CADPS2: variants seen among roughly 807,000 people sequenced by gnomAD.
CADPS2 encodes the protein calcium-dependent secretion activator 2.
CADPS2 carries 93 observed loss-of-function variants against 172.5 expected under a neutral mutation model. The observed-to-expected ratio is 0.54, with a 90% CI of 0.46 to 0.64. The LOEUF (loss-of-function observed/expected upper bound fraction) is 0.64. Ranked by LOEUF, CADPS2 falls within the 30% of genes least tolerant of loss-of-function variation. The pLI, the probability that CADPS2 is intolerant of heterozygous loss-of-function variation, is 0.00. For missense variants in CADPS2, 1,420 were observed against 1,565.9 expected (o/e 0.91, Z 1.57); for synonymous variants, 546 against 555.2 (o/e 0.98, Z 0.23).
chr7:122,637,005 A>T (rs2077130482), intron 3 of CADPS2, among the ~76,000 whole-genome samples: 1 of 151,838 alleles, frequency 6.6e-6, no homozygotes, highest in African/African-American at 2.4e-5. Context: ...TGGTGTCTTC[A>T]TATAAACTCA....
intron 9 of CADPS2, among the ~76,000 whole-genome samples, chr7:122,508,349 G>A (rs1457355002): frequency 6.8e-6 from 1 of 147,386 alleles, no homozygotes. Flanking sequence ...CATTCAAAGT[G>A]TCATTGTTTG....
chr7:122,736,866 A>C (rs1038595158), intron 2 of CADPS2, 89 bp downstream of exon 2: 2 of 683,796 alleles, frequency 2.9e-6, no homozygotes, highest in East Asian at 5.5e-5. Flanking sequence ...TCAGACCAGC[A>C]AGCTTCTTTA....
At chr7:122,516,388 A>G (rs1033912330) in intron 8 of CADPS2, among the ~76,000 whole-genome samples, 1 of 152,054 alleles carries the variant, frequency 6.6e-6, no homozygotes, top group Non-Finnish European at 1.5e-5. Context: ...AAAAATAAAA[A>G]TTAGCTGGAT....
At chr7:122,444,988 C>T (rs2051949477) in intron 15 of CADPS2, among the ~76,000 whole-genome samples, 1 of 152,046 alleles carries the variant, frequency 6.6e-6, no homozygotes, top group African/African-American at 2.4e-5. Context: ...TCCAATAGTT[C>T]CGGTAGCATC....
At chr7:122,713,832 T>G (rs559311127) in intron 2 of CADPS2, among the ~76,000 whole-genome samples, 1 of 152,206 alleles carries the variant, frequency 6.6e-6, no homozygotes, top group South Asian at 2.1e-4. Flanking sequence ...ATTTTATAGT[T>G]ATAATGTACA....
chr7:122,366,054 T>C (rs964941350), intron 25 of CADPS2, among the ~76,000 whole-genome samples: 1 of 151,006 alleles, frequency 6.6e-6, no homozygotes, highest in Non-Finnish European at 1.5e-5. Flanking sequence ...TGGCTGATAA[T>C]GAAAAACTAA....
intron 19 of CADPS2, among the ~76,000 whole-genome samples, chr7:122,411,767 C>T (rs58839161): frequency 0.28 from 43,024 of 151,806 alleles, 6,422 homozygotes; most frequent in East Asian, 0.38. Context: ...ACATACACAG[C>T]GACATGATTC....
At chr7:122,557,618 GAC>G (rs2065194831) in intron 7 of CADPS2, among the ~76,000 whole-genome samples, 1 of 152,154 alleles carries the variant, frequency 6.6e-6, no homozygotes, top group Admixed American at 6.6e-5. Flanking sequence ...TGCTAGCTGT[GAC>G]ACAGATATTG....
intron 28 of CADPS2, among the ~76,000 whole-genome samples, chr7:122,328,956 C>T (rs1375972416): frequency 6.6e-6 from 1 of 152,110 alleles, no homozygotes; most frequent in East Asian, 1.9e-4. Flanking sequence ...CTAAGAAGAT[C>T]TTTAGAGCAA....
chr7:122,691,985 A>C (rs1212998636), intron 2 of CADPS2, among the ~76,000 whole-genome samples: 1 of 152,180 alleles, frequency 6.6e-6, no homozygotes, highest in Non-Finnish European at 1.5e-5. Flanking sequence ...ATCCGGGTTC[A>C]GAGACTAGTG....
chr7:122,860,330 T>A (rs1460846851), intron 1 of CADPS2, among the ~76,000 whole-genome samples: 4 of 152,114 alleles, frequency 2.6e-5, no homozygotes, highest in African/African-American at 9.7e-5. Context: ...CCGGTTCAAG[T>A]GATCACCTAC....
At chr7:122,650,330 A>T (rs917066276) in intron 3 of CADPS2, among the ~76,000 whole-genome samples, 4 of 152,272 alleles carry the variant, frequency 2.6e-5, no homozygotes, top group African/African-American at 9.6e-5. Context: ...ATTATGCTTG[A>T]AACAGTACAC....
At chr7:122,730,848 A>G (rs1426945745) in intron 2 of CADPS2, among the ~76,000 whole-genome samples, 1 of 151,726 alleles carries the variant, frequency 6.6e-6, no homozygotes, top group Non-Finnish European at 1.5e-5. Context: ...CTTCTATTAA[A>G]AAGTGTTCTT....
In CADPS2 at chr7:122,575,513, T is replaced by C. The variant is rs190794120; in HGVS notation, c.1335+5666A>G. Among the ~76,000 whole-genome samples, 498 of 151,896 alleles carry C rather than the reference T, an allele frequency of 3.3e-3. 5 individuals carry two copies. The highest frequency in any genetic ancestry group is 0.012 in the African/African-American group (479 of 41,438). On this transcript the variant is annotated intron_variant, in intron 7 of 29. Transcript: ENST00000449022. ...GCACAGTGGCACGATCTCGGCTCAC[T>C]GCAACCTCCCCCTCCAGGGTTCAAG...
At chr7:122,703,452 C>T (rs1052391514) in intron 2 of CADPS2, among the ~76,000 whole-genome samples, 1 of 152,130 alleles carries the variant, frequency 6.6e-6, no homozygotes. Flanking sequence ...ACATTAAATG[C>T]CTATCCCACA....
At chr7:122,649,524 G>A (rs943703126) in intron 3 of CADPS2, among the ~76,000 whole-genome samples, 3 of 152,140 alleles carry the variant, frequency 2.0e-5, no homozygotes, top group African/African-American at 2.4e-5. Context: ...CATTGGGCCT[G>A]ACCTCCACAG....
intron 2 of CADPS2, among the ~76,000 whole-genome samples, chr7:122,693,244 C>G (rs2084628407): frequency 1.3e-5 from 2 of 152,212 alleles, no homozygotes; most frequent in African/African-American, 4.8e-5. Flanking sequence ...AGTTCCATTT[C>G]AAATATCATT....
chr7:122,629,252 G>A lies in CADPS2; in HGVS notation c.863C>T (p.Ala288Val), dbSNP rs1258947585. The A allele has an allele frequency of 2.5e-6, 4 of 1,607,038 alleles. No homozygotes were observed. Among genetic ancestry groups the A allele is most frequent in the Non-Finnish European group, 3.4e-6 (4 of 1,176,234 alleles). Residue 288 changes from alanine (A) to valine (V), a missense_variant, in exon 4 of 30, where the codon GCA becomes GTA. Physicochemically the swap from Ala to Val is moderately conservative, Grantham distance 64. Coordinates refer to ENST00000449022, the MANE Select transcript of CADPS2 (RefSeq NM_017954.11). ...ATGTCCAAGTTAATAATTTACCTTT[G>A]CCATTTTATCTGCCAATTGCAGCCG... ...DGRLQLADKM[A>V]KERKFPKFIA...
At chr7:122,817,864 C>A (rs1042936502) in intron 1 of CADPS2, among the ~76,000 whole-genome samples, 4 of 151,242 alleles carry the variant, frequency 2.6e-5, no homozygotes, top group Non-Finnish European at 5.9e-5. Flanking sequence ...TATTTCCATG[C>A]CCCGACCTCT....
Sources: gnomAD v4.1 joint callset for allele counts (sites outside exome capture counted in the v4.1 genomes callset) on GRCh38, gnomAD v4.1.1 for gene constraint, MANE v1.5 for transcripts, NCBI Gene and HGNC (gene_info 2026-07-23, HGNC 2026-07-21) for gene names.